The following CNOT3 variants were observed in gnomAD, a reference collection of about 807,000 sequenced individuals.
CNOT3 encodes CCR4-NOT transcription complex subunit 3.
CNOT3 carries 2 observed loss-of-function variants against 89.4 expected under a neutral mutation model. That is an observed-to-expected ratio of 0.02 (90% confidence interval 0.01 to 0.07). The LOEUF (loss-of-function observed/expected upper bound fraction) is 0.07. Among genes scored for constraint, CNOT3 ranks in the 10% least tolerant of loss-of-function variants. The pLI, the probability that CNOT3 is intolerant of heterozygous loss-of-function variation, is 1.00. For missense variants in CNOT3, 664 were observed against 1,010.2 expected (o/e 0.66, Z 4.65); for synonymous variants, 486 against 402.0 (o/e 1.21, Z -2.50).
chr19:54,138,915 C>G (rs1481650869), intron 1 of CNOT3, among the ~76,000 whole-genome samples: 2 of 152,218 alleles, frequency 1.3e-5, no homozygotes, highest in Non-Finnish European at 2.9e-5. Context: ...GGCGTCTGCC[C>G]CTGGCTTTGC....
At position 54,148,708 on chromosome 19, in the gene CNOT3, C is replaced by T. The variant is rs201311298; in HGVS notation, c.1371C>T (p.Pro457=). The change falls in exon 12 of 18, where the codon CCC becomes CCT. Residue 457 remains proline (P), a synonymous_variant. Coordinates refer to ENST00000221232, the MANE Select transcript of CNOT3 (RefSeq NM_014516.4). This position sits in a 1 kb window ranked among gnomAD's most constrained non-coding sequence, Gnocchi z 6.3. The stretch of plus-strand genomic sequence containing the variant: ...ATGCCAGCAGCCAGGCCTTGGGCCC[C>T]CCTTCCGGCCCCCACAACCCACCTC... The part of the protein sequence containing the change: ...GNNASSQALG[P]PSGPHNPPPS... 1 of 1,611,864 alleles carries T rather than the reference C, an allele frequency of 6.2e-7. No homozygotes were observed. The highest frequency in any genetic ancestry group is 2.2e-5 in the East Asian group (1 of 44,830).
Position 54,148,028 on chromosome 19 carries a change from G to A in CNOT3, c.895-120G>A, listed in dbSNP as rs1241555462. ...CCAGGTCCCCAAGAGGGCAGGAGCA[G>A]GTGGGGGCAGCGAGGCCAGAGAGGA... On this transcript the variant is annotated intron_variant, in intron 10 of 17. Transcript: ENST00000221232. This position sits in a 1 kb window ranked among gnomAD's most constrained non-coding sequence, Gnocchi z 6.3. 14 of 698,746 alleles carry A rather than the reference G, an allele frequency of 2.0e-5. No individual in the cohort carries two copies. The highest frequency in any genetic ancestry group is 3.7e-5 in the Admixed American group (1 of 26,874). The allele number at this position is 698,746 out of a possible 1,614,324, so 43.3% of individuals were successfully genotyped here.
chr19:54,147,964 C>T (rs2074774776), intron 10 of CNOT3, among the ~76,000 whole-genome samples, 184 bp from the exon 11 acceptor site: 1 of 152,040 alleles, frequency 6.6e-6, no homozygotes, highest in Non-Finnish European at 1.5e-5. Context: ...GTGTTTTAAG[C>T]ATGAAGGTGA....
At position 54,144,150 on chromosome 19, in the gene CNOT3, G is replaced by A; in HGVS notation, c.387+16G>A. On this transcript the variant is annotated intron_variant, in intron 6 of 17. Transcript: ENST00000221232. The surrounding 1 kb of genome is among the most constrained non-coding windows in gnomAD (Gnocchi z 4.8). The stretch of plus-strand genomic sequence containing the variant: ...GTGGCTCACGGTGAGTTGGGGTAGA[G>A]AAGAGGAGGTGAACTCTGAGGATCC... 6.2e-7 allele frequency: 1 copy of A among 1,608,542 alleles called. No individual in the cohort carries two copies. Among genetic ancestry groups the A allele is most frequent in the African/African-American group, 1.3e-5 (1 of 74,904 alleles).
intron 10 of CNOT3, among the ~76,000 whole-genome samples, chr19:54,147,041 A>C (rs587730639): frequency 7.9e-5 from 12 of 152,296 alleles, no homozygotes; most frequent in African/African-American, 2.6e-4. Flanking sequence ...AACTGTGAGC[A>C]CAGGGACTGG....
Position 54,144,131 on chromosome 19 carries a change from C to T in CNOT3, c.384C>T (p.Leu128=), listed in dbSNP as rs1197139958. The T allele has an allele frequency of 1.9e-6, 3 of 1,606,174 alleles. No homozygotes were observed. Among genetic ancestry groups the T allele is most frequent in the African/African-American group, 1.3e-5 (1 of 74,568 alleles). The part of the protein sequence containing the change: ...QKEKEEVGQW[L]TNTIDTLNMQ... ...AGAAGGAAGAGGTTGGCCAGTGGCTCACGGTGAGTTGGGGTAGAGAAGAGG... is the reference window on the plus strand; with the variant it reads ...AGAAGGAAGAGGTTGGCCAGTGGCTTACGGTGAGTTGGGGTAGAGAAGAGG... The change falls in exon 6 of 18, where the codon CTC becomes CTT. Residue 128 remains leucine, a synonymous_variant. Transcript: ENST00000221232. This position sits in a 1 kb window ranked among gnomAD's most constrained non-coding sequence, Gnocchi z 4.8.
chr19:54,145,867 G>C lies in CNOT3; in HGVS notation c.704-43G>C, dbSNP rs369073653. 1.2e-6 allele frequency: 2 copies of C among 1,611,086 alleles called. No individual in the cohort carries two copies. Among genetic ancestry groups the C allele is most frequent in the Non-Finnish European group, 1.7e-6 (2 of 1,178,116 alleles). On this transcript the variant is annotated intron_variant, in intron 8 of 17. Coordinates refer to ENST00000221232, the MANE Select transcript of CNOT3 (RefSeq NM_014516.4). This position sits in a 1 kb window ranked among gnomAD's most constrained non-coding sequence, Gnocchi z 5.9. Reference sequence around the variant, plus strand: ...CACAGGAAGTGAGGGCCCAGAATGGGCTGTGTGAGCCAGCTAAGCATGCCC... The same window carrying C: ...CACAGGAAGTGAGGGCCCAGAATGGCCTGTGTGAGCCAGCTAAGCATGCCC...
At chr19:54,152,655 C>A in intron 15 of CNOT3, 29 bp downstream of exon 15, 2 of 1,569,202 alleles carry the variant, frequency 1.3e-6, no homozygotes, top group South Asian at 1.1e-5. Flanking sequence ...GGGGGATGGT[C>A]TGGGACTTGA....
chr19:54,154,852 G>A lies in CNOT3; in HGVS notation c.2164-457G>A, dbSNP rs3786633. 9.8e-3 allele frequency: 1,475 copies of A among 149,898 alleles called. 30 individuals carry two copies. The highest frequency in any genetic ancestry group is 0.036 in the Admixed American group (537 of 15,008). 9.3% of individuals were successfully genotyped at this position (149,898 alleles called of 1,614,324 possible). A position where few individuals can be genotyped will look rare whatever the true frequency, so the allele number is the denominator to read the frequency against. ...CATTCAGAAATTCCCACACCACTTC[G>A]TCACCAATAAAATGTCCCTGCAGAG... On this transcript the variant is annotated intron_variant, in intron 17 of 17. Transcript: ENST00000221232.
intron 1 of CNOT3, chr19:54,142,451 C>CACACACACACACACACACACACACACAG (rs71195730): frequency 8.3e-6 from 2 of 239,728 alleles, no homozygotes; most frequent in African/African-American, 4.5e-5. Context: ...CACACACACA[C>CACACACACACACACACACACACACACAG]GCCCTTCTCT....
In CNOT3 at chr19:54,143,437, C is replaced by T. The variant is rs1272715364; in HGVS notation, c.94-5C>T. On this transcript the variant is annotated splice_region_variant and splice_polypyrimidine_tract_variant and intron_variant, in intron 3 of 17. Coordinates refer to ENST00000221232, the MANE Select transcript of CNOT3 (RefSeq NM_014516.4). ...ACTGACTTCTCAATTCTCTCCATCC[C>T]TCAGCTCCACAATGCAGCCAACGCG... The T allele has an allele frequency of 6.2e-7, 1 of 1,613,912 alleles. No individual in the cohort carries two copies. Among genetic ancestry groups the T allele is most frequent in the African/African-American group, 1.3e-5 (1 of 74,992 alleles).
chr19:54,146,676 C>A lies in CNOT3; in HGVS notation c.894+19C>A. 1.4e-6 allele frequency: 2 copies of A among 1,384,390 alleles called. No homozygotes were observed. The highest frequency in any genetic ancestry group is 1.4e-5 in the African/African-American group (1 of 70,558). The allele number at this position is 1,384,390 out of a possible 1,614,324, so 85.8% of individuals were successfully genotyped here. On this transcript the variant is annotated intron_variant, in intron 10 of 17. Transcript: ENST00000221232. Reference sequence around the variant, plus strand: ...CAGCCAGGTGGGTGTGAGCCTGGACCGGGTGGGCACGCCATTCACTCCTCT... The same window carrying A: ...CAGCCAGGTGGGTGTGAGCCTGGACAGGGTGGGCACGCCATTCACTCCTCT...
intron 9 of CNOT3, 121 bp downstream of exon 9, chr19:54,146,164 C>A: frequency 1.8e-6 from 2 of 1,088,626 alleles, no homozygotes; most frequent in Non-Finnish European, 2.7e-6. Context: ...ATCTAGGTAT[C>A]CAGGGTCTAG....
In CNOT3 at chr19:54,155,481, G is replaced by T; in HGVS notation, c.*74G>T. On this transcript the variant is annotated 3_prime_UTR_variant, in exon 18 of 18. Coordinates refer to ENST00000221232, the MANE Select transcript of CNOT3 (RefSeq NM_014516.4). Reference sequence around the variant, plus strand: ...CTGCCCAGGTGAGGGCCCTGCCCTGGAAGACTGGAGGGAGGCCCCAAGCCA... The same window carrying T: ...CTGCCCAGGTGAGGGCCCTGCCCTGTAAGACTGGAGGGAGGCCCCAAGCCA... 1 of 1,089,536 alleles carries T rather than the reference G, an allele frequency of 9.2e-7. No homozygotes were observed. Among genetic ancestry groups the T allele is most frequent in the Admixed American group, 2.3e-5 (1 of 43,766 alleles). The allele number at this position is 1,089,536 out of a possible 1,614,324, so 67.5% of individuals were successfully genotyped here. A position where few individuals can be genotyped will look rare whatever the true frequency, so the allele number is the denominator to read the frequency against.
intron 15 of CNOT3, 44 bp downstream of exon 15, chr19:54,152,670 T>C (rs2075185032): frequency 2.7e-6 from 4 of 1,507,078 alleles, no homozygotes; most frequent in Non-Finnish European, 3.7e-6. Context: ...ACTTGAGTCT[T>C]ACGGAGGAGG....
In CNOT3 at chr19:54,143,756, G is replaced by A. The variant is rs199596997; in HGVS notation, c.258+7G>A. The A allele has an allele frequency of 2.5e-6, 4 of 1,612,958 alleles. No individual in the cohort carries two copies. The highest frequency in any genetic ancestry group is 3.4e-6 in the Non-Finnish European group (4 of 1,179,304). ...CCGCAAGCTCATTGAGACGGTAGGA[G>A]CCCAGAGCCTGAGTCCCAGAGAGGT... On this transcript the variant is annotated splice_region_variant and intron_variant, in intron 5 of 17. Coordinates refer to ENST00000221232, the MANE Select transcript of CNOT3 (RefSeq NM_014516.4).
At chr19:54,151,802 C>G (rs1379736505) in intron 13 of CNOT3, among the ~76,000 whole-genome samples, 13 of 152,200 alleles carry the variant, frequency 8.5e-5, no homozygotes, top group Non-Finnish European at 1.9e-4. Flanking sequence ...GACAGCTGAG[C>G]ATGTAGACCT....
At chr19:54,141,201 C>A (rs587727383) in intron 1 of CNOT3, among the ~76,000 whole-genome samples, 1 of 152,296 alleles carries the variant, frequency 6.6e-6, no homozygotes, top group East Asian at 1.9e-4. Flanking sequence ...CACTGTGGCA[C>A]CTTCTCCTGG....
Position 54,145,687 on chromosome 19 carries a change from C to T in CNOT3, c.573C>T (p.Asp191=). ...TAGAGACCATCCTGCGCATGCTGGA[C>T]AATGACTCCATCCTCGTTGACGCCA... ...RMLETILRML[D]NDSILVDAIR... is the part of the protein sequence containing the mutation. The change falls in exon 8 of 18, where the codon GAC becomes GAT. Residue 191 remains aspartate, a synonymous_variant. Transcript: ENST00000221232. The surrounding 1 kb of genome is among the most constrained non-coding windows in gnomAD (Gnocchi z 5.9). 6.2e-7 allele frequency: 1 copy of T among 1,613,306 alleles called. No individual in the cohort carries two copies. The highest frequency in any genetic ancestry group is 8.5e-7 in the Non-Finnish European group (1 of 1,179,244).
Sources: allele counts gnomAD v4.1 joint callset (sites outside exome capture counted in the v4.1 genomes callset), GRCh38; gene constraint gnomAD v4.1.1; non-coding constraint Gnocchi (gnomAD v3.1); transcripts MANE v1.5; gene names NCBI Gene and HGNC (gene_info 2026-07-23, HGNC 2026-07-21).